Variants in STXBP6 observed in about 807,000 individuals in gnomAD.
STXBP6 encodes the protein syntaxin-binding protein 6.
A neutral mutation model predicts 26.9 loss-of-function variants in STXBP6; 21 were observed. The observed-to-expected ratio is 0.78, with a 90% CI of 0.55 to 1.12. The LOEUF (loss-of-function observed/expected upper bound fraction) is 1.12, where lower values mean the gene tolerates loss of function less well. STXBP6 is among the 50% of genes most tolerant of loss of function. The pLI is 0.00. For missense variants in STXBP6, 232 were observed against 257.9 expected, an observed-to-expected ratio of 0.90 and a Z score of 0.69; for synonymous variants, 97 against 92.6, an observed-to-expected ratio of 1.05 and a Z score of -0.27.
chr14:24,845,730 G>C (rs904243153), intron 4 of STXBP6, among the ~76,000 whole-genome samples: 8 of 152,172 alleles, frequency 5.3e-5, no homozygotes, highest in Non-Finnish European at 7.3e-5. Flanking sequence ...AGCTGTGCAT[G>C]GTAAGAGGGA....
chr14:24,878,363 T>G (rs1389311748), intron 2 of STXBP6, among the ~76,000 whole-genome samples: 2 of 152,142 alleles, frequency 1.3e-5, no homozygotes, highest in African/African-American at 4.8e-5. Flanking sequence ...ATATTTCATC[T>G]GTTTGAAATT....
At chr14:24,903,475 C>CA (rs1170763281) in intron 2 of STXBP6, among the ~76,000 whole-genome samples, 3 of 152,132 alleles carry the variant, frequency 2.0e-5, no homozygotes, top group Non-Finnish European at 2.9e-5. Context: ...CACTTAAGAA[C>CA]AGTGTTCATC....
intron 1 of STXBP6, among the ~76,000 whole-genome samples, chr14:25,039,627 G>A (rs997875860): frequency 1.3e-5 from 2 of 151,906 alleles, no homozygotes; most frequent in East Asian, 3.9e-4. Context: ...CCAAGGATTA[G>A]CCCTCTTCAT....
intron 2 of STXBP6, among the ~76,000 whole-genome samples, chr14:24,936,971 G>A (rs1354190217): frequency 1.3e-5 from 2 of 152,198 alleles, no homozygotes; most frequent in Non-Finnish European, 2.9e-5. Context: ...AAAAAAGAAT[G>A]AGTTCATGTC....
intron 1 of STXBP6, among the ~76,000 whole-genome samples, chr14:24,989,192 C>T (rs955125603): frequency 6.6e-6 from 1 of 152,196 alleles, no homozygotes; most frequent in Non-Finnish European, 1.5e-5. Flanking sequence ...ACTGAGGCTG[C>T]CTCTCAGGTG....
At chr14:24,877,823 A>G (rs2070201286) in intron 2 of STXBP6, among the ~76,000 whole-genome samples, 2 of 152,212 alleles carry the variant, frequency 1.3e-5, no homozygotes, top group South Asian at 4.1e-4. Context: ...TGTAATTTTA[A>G]TAAATATTAC....
intron 2 of STXBP6, among the ~76,000 whole-genome samples, chr14:24,973,679 G>A (rs765873922): frequency 7.9e-5 from 12 of 151,986 alleles, no homozygotes; most frequent in Admixed American, 2.6e-4. Flanking sequence ...GAGCCACCGC[G>A]CCTGGCCCTT....
chr14:24,829,455 C>A (rs2068389700), intron 4 of STXBP6, among the ~76,000 whole-genome samples: 1 of 152,056 alleles, frequency 6.6e-6, no homozygotes, highest in Admixed American at 6.5e-5. Flanking sequence ...GAGCATGAAA[C>A]AAAGTGCAAA....
At chr14:24,866,660 T>C (rs1398834719) in intron 2 of STXBP6, among the ~76,000 whole-genome samples, 2 of 151,832 alleles carry the variant, frequency 1.3e-5, no homozygotes, top group Middle Eastern at 3.2e-3. Flanking sequence ...CTTATAGAAA[T>C]GTAAAAATAC....
At chr14:24,997,129 C>T (rs886976425) in intron 1 of STXBP6, among the ~76,000 whole-genome samples, 40 of 152,268 alleles carry the variant, frequency 2.6e-4, no homozygotes, top group African/African-American at 9.1e-4. Context: ...ATATGTCAGA[C>T]TCAGGAAGGG....
intron 4 of STXBP6, among the ~76,000 whole-genome samples, chr14:24,831,584 T>C (rs528185214): frequency 1.9e-4 from 29 of 152,266 alleles, no homozygotes; most frequent in East Asian, 1.9e-4. Flanking sequence ...ATATGTTAAG[T>C]TGTTTGAACC....
chr14:24,859,508 A>T lies in STXBP6; in HGVS notation c.155-2351T>A, dbSNP rs183216377. Among the ~76,000 whole-genome samples, 9 of 152,212 alleles carry T rather than the reference A, an allele frequency of 5.9e-5. No homozygotes were observed. The East Asian group carries it at 1.7e-3, about 29-fold the overall frequency. ...CCATTGCCAGACTTTTTGAGTACAT[A>T]CTTGAGGAAAGCATGCTTTAACTAT... On this transcript the variant is annotated intron_variant, in intron 2 of 5. Transcript: ENST00000323944.
intron 2 of STXBP6, among the ~76,000 whole-genome samples, chr14:24,944,156 T>C (rs2072899296): frequency 6.6e-6 from 1 of 151,948 alleles, no homozygotes; most frequent in African/African-American, 2.4e-5. Flanking sequence ...TGAAAACAGG[T>C]TGACAATTCA....
At chr14:25,028,139 T>C (rs985323902) in intron 1 of STXBP6, among the ~76,000 whole-genome samples, 2 of 152,228 alleles carry the variant, frequency 1.3e-5, no homozygotes, top group African/African-American at 4.8e-5. Flanking sequence ...AGATAACTGA[T>C]TAAGGTTATC....
At chr14:25,009,912 C>T (rs2074992855) in intron 1 of STXBP6, among the ~76,000 whole-genome samples, 1 of 152,316 alleles carries the variant, frequency 6.6e-6, no homozygotes, top group Non-Finnish European at 1.5e-5. Context: ...CTACCCCCAA[C>T]TCTCCTCATC....
chr14:24,960,618 G>C (rs1002601382), intron 2 of STXBP6, among the ~76,000 whole-genome samples: 1 of 152,104 alleles, frequency 6.6e-6, no homozygotes, highest in Non-Finnish European at 1.5e-5. Context: ...CACTCCCGAT[G>C]GGCACGTTCT....
At chr14:24,916,388 T>C (rs1249111977) in intron 2 of STXBP6, among the ~76,000 whole-genome samples, 1 of 152,140 alleles carries the variant, frequency 6.6e-6, no homozygotes, top group Non-Finnish European at 1.5e-5. Flanking sequence ...GTTGAGAATA[T>C]ACCAAAAGAC....
intron 1 of STXBP6, among the ~76,000 whole-genome samples, chr14:24,976,254 A>G (rs1199499797): frequency 6.6e-6 from 1 of 152,222 alleles, no homozygotes; most frequent in East Asian, 1.9e-4. Flanking sequence ...CACAAATGCT[A>G]CCCACACAAC....
intron 1 of STXBP6, among the ~76,000 whole-genome samples, chr14:25,009,123 T>C (rs1178105258): frequency 2.0e-5 from 3 of 152,198 alleles, no homozygotes; most frequent in East Asian, 1.9e-4. Context: ...TCTAGTTAAT[T>C]TGTTTTGTTT....
Sources: gnomAD v4.1 joint callset for allele counts (sites outside exome capture counted in the v4.1 genomes callset) on GRCh38, gnomAD v4.1.1 for gene constraint, MANE v1.5 for transcripts, NCBI Gene and HGNC (gene_info 2026-07-23, HGNC 2026-07-21) for gene names.